KLF12: variants seen among roughly 807,000 people sequenced by gnomAD.
The protein encoded by KLF12 is KLF transcription factor 12.
KLF12 carries 9 observed loss-of-function variants against 37.8 expected under a neutral mutation model. The observed-to-expected ratio is 0.24, with a 90% CI of 0.14 to 0.42. KLF12 has a LOEUF of 0.42. KLF12 is among the 10% of genes least tolerant of loss of function. The probability of loss-of-function intolerance (pLI) is 1.00; values close to 1 mark genes in which losing one functional copy is unlikely to be tolerated. For synonymous variants in KLF12, 208 were observed against 202.1 expected (o/e 1.03, Z -0.25); for missense variants, 411 against 516.0 (o/e 0.80, Z 1.97).
chr13:74,099,069 C>T (rs554914745), intron 1 of KLF12, among the ~76,000 whole-genome samples: 43 of 152,162 alleles, frequency 2.8e-4, no homozygotes, highest in African/African-American at 9.4e-4. Context: ...CACTTTGGAC[C>T]AGGTGGGGTG....
the KLF12 span, among the ~76,000 whole-genome samples, chr13:74,221,249 G>A: frequency 2.6e-4 from 40 of 152,174 alleles, no homozygotes; most frequent in Admixed American, 5.2e-4. Flanking sequence ...CTCGTCATCC[G>A]CCCGCCTTGG....
the KLF12 span, among the ~76,000 whole-genome samples, chr13:74,164,487 T>A: frequency 1.3e-5 from 2 of 152,194 alleles, no homozygotes; most frequent in African/African-American, 4.8e-5. Flanking sequence ...GTAACTGGAT[T>A]TGTGACAAAA....
chr13:74,052,436 A>C (rs1487156717), intron 1 of KLF12, among the ~76,000 whole-genome samples: 1 of 152,124 alleles, frequency 6.6e-6, no homozygotes, highest in South Asian at 2.1e-4. Context: ...CCCATTCTTG[A>C]GATGACTATT....
the KLF12 span, among the ~76,000 whole-genome samples, chr13:74,238,395 A>C: frequency 7.3e-6 from 1 of 136,860 alleles, no homozygotes; most frequent in Non-Finnish European, 1.5e-5. Flanking sequence ...ATTGGTCTAA[A>C]ATTCTCTTTT....
chr13:73,982,223 A>G (rs1891705227), intron 2 of KLF12, among the ~76,000 whole-genome samples: 1 of 152,210 alleles, frequency 6.6e-6, no homozygotes, highest in Non-Finnish European at 1.5e-5. Flanking sequence ...CAGTTATTTT[A>G]TTTTTAAGGC....
At chr13:74,129,980 G>C (rs1013406513) in intron 1 of KLF12, among the ~76,000 whole-genome samples, 1 of 152,164 alleles carries the variant, frequency 6.6e-6, no homozygotes, top group African/African-American at 2.4e-5. Flanking sequence ...GAATTCTGGC[G>C]GGTGGAAGTC....
chr13:74,169,793 G>C, the KLF12 span, among the ~76,000 whole-genome samples: 1 of 152,194 alleles, frequency 6.6e-6, no homozygotes, highest in Non-Finnish European at 1.5e-5. Context: ...AGGAGGAAGA[G>C]ACACCATGAA....
the KLF12 span, among the ~76,000 whole-genome samples, chr13:74,208,017 CA>C: frequency 6.6e-6 from 1 of 151,988 alleles, no homozygotes; most frequent in African/African-American, 2.4e-5. Flanking sequence ...TCCAGTGCAC[CA>C]AAAACACAGG....
At chr13:73,851,391 A>C (rs1203441437) in intron 3 of KLF12, among the ~76,000 whole-genome samples, 1 of 152,188 alleles carries the variant, frequency 6.6e-6, no homozygotes, top group African/African-American at 2.4e-5. Flanking sequence ...TTATTTAGAA[A>C]CAATTTTCTC....
At chr13:73,958,368 C>A (rs766252322) in intron 2 of KLF12, among the ~76,000 whole-genome samples, 1 of 151,842 alleles carries the variant, frequency 6.6e-6, no homozygotes, top group South Asian at 2.1e-4. Flanking sequence ...CTCAACCTCC[C>A]GAGTAGCTGG....
intron 3 of KLF12, among the ~76,000 whole-genome samples, chr13:73,871,331 C>T (rs1283988825): frequency 6.6e-6 from 1 of 152,214 alleles, no homozygotes; most frequent in Non-Finnish European, 1.5e-5. Context: ...ATCCCTCCTT[C>T]TCTTCAATGA....
At chr13:74,219,461 C>T in the KLF12 span, among the ~76,000 whole-genome samples, 10 of 152,080 alleles carry the variant, frequency 6.6e-5, no homozygotes, top group African/African-American at 2.2e-4. Flanking sequence ...ATTTTGCTTG[C>T]TTTCAAATTT....
At chr13:73,968,831 C>G (rs1322096446) in intron 2 of KLF12, among the ~76,000 whole-genome samples, 1 of 152,138 alleles carries the variant, frequency 6.6e-6, no homozygotes, top group Non-Finnish European at 1.5e-5. Flanking sequence ...TCCCTCGACA[C>G]GTTGATCCCT....
At chr13:74,169,909 C>T in the KLF12 span, among the ~76,000 whole-genome samples, 3 of 152,152 alleles carry the variant, frequency 2.0e-5, no homozygotes, top group Non-Finnish European at 2.9e-5. Flanking sequence ...GTTACACTGC[C>T]CAAGGGGTCA....
At chr13:74,228,039 AG>A in the KLF12 span, among the ~76,000 whole-genome samples, 1 of 152,146 alleles carries the variant, frequency 6.6e-6, no homozygotes, top group African/African-American at 2.4e-5. Flanking sequence ...GAGAAAGAAA[AG>A]GAGACAGATT....
At chr13:74,182,638 G>C in the KLF12 span, among the ~76,000 whole-genome samples, 2 of 152,208 alleles carry the variant, frequency 1.3e-5, no homozygotes, top group African/African-American at 2.4e-5. Context: ...GCAGAAGAAA[G>C]AAGAGCAATC....
intron 1 of KLF12, among the ~76,000 whole-genome samples, chr13:74,127,086 C>T (rs1276661241): frequency 6.6e-6 from 1 of 152,136 alleles, no homozygotes; most frequent in African/African-American, 2.4e-5. Context: ...CTCGTTGTAG[C>T]CCTGAACTCT....
At chr13:74,161,951 T>C in the KLF12 span, among the ~76,000 whole-genome samples, 1 of 152,212 alleles carries the variant, frequency 6.6e-6, no homozygotes, top group East Asian at 1.9e-4. Flanking sequence ...AATTGCTCCA[T>C]TTTAAATCAA....
the KLF12 span, among the ~76,000 whole-genome samples, chr13:74,255,540 G>A: frequency 6.6e-6 from 1 of 152,112 alleles, no homozygotes; most frequent in Non-Finnish European, 1.5e-5. Flanking sequence ...ACCTAAAATG[G>A]ATATAATTTC....
Sources: gnomAD v4.1 joint callset for allele counts (sites outside exome capture counted in the v4.1 genomes callset) on GRCh38, gnomAD v4.1.1 for gene constraint, MANE v1.5 for transcripts, NCBI Gene and HGNC (gene_info 2026-07-23, HGNC 2026-07-21) for gene names.